The following KRT72 variants were observed in gnomAD, a reference collection of about 807,000 sequenced individuals.
KRT72 encodes the protein keratin 72.
In KRT72, 44 loss-of-function variants were observed where a neutral mutation model predicts 44.7. The ratio of observed to expected loss-of-function variants is 0.98; its 90% CI spans 0.77 to 1.27. The LOEUF is 1.27. Ranked by LOEUF, KRT72 falls within the 50% of genes most tolerant of loss-of-function variation. The probability of loss-of-function intolerance (pLI) is 0.00; values close to 1 mark genes in which losing one functional copy is unlikely to be tolerated. For synonymous variants in KRT72, 302 were observed against 280.4 expected (o/e 1.08, Z -0.77); for missense variants, 736 against 667.1 (o/e 1.10, Z -1.14).
At chr12:52,591,900 A>G (rs563008189) in intron 4 of KRT72, among the ~76,000 whole-genome samples, 1 of 152,242 alleles carries the variant, frequency 6.6e-6, no homozygotes, top group African/African-American at 2.4e-5. Context: ...CCCTCCACCC[A>G]TAGGACCAAG....
upstream of KRT72, among the ~76,000 whole-genome samples, chr12:52,602,569 C>T (rs766430920): frequency 8.5e-5 from 13 of 152,212 alleles, no homozygotes; most frequent in Non-Finnish European, 1.5e-4. Flanking sequence ...TATTTCATTG[C>T]TCTTATTTCT....
At position 52,592,927 on chromosome 12, in the gene KRT72, T is replaced by C. The variant is rs754946146; in HGVS notation, c.667A>G (p.Thr223Ala). 1 of 1,613,734 alleles carries C rather than the reference T, an allele frequency of 6.2e-7. No individual in the cohort carries two copies. ...ACCACAAACTCATTCTCAGCAGCTGTGCGTCTGTTAATCTCCACCTCATAC... is the reference window on the plus strand; with the variant it reads ...ACCACAAACTCATTCTCAGCAGCTGCGCGTCTGTTAATCTCCACCTCATAC... ...KRYEVEINRR[T>A]AAENEFVVLK... Residue 223 changes from threonine to alanine, a missense_variant, in exon 3 of 9, where the codon ACA becomes GCA. Transcript: ENST00000293745.
rs1051521787 is a variant in KRT72 at position 52,598,540 on chromosome 12, C to CT, written c.641+357dup. On this transcript the variant is annotated intron_variant, in intron 2 of 8. Coordinates refer to ENST00000293745, the MANE Select transcript of KRT72 (RefSeq NM_080747.3). ...CAACATGGAATAAGTTTTTTAAATT[C>CT]TTTTTTTTAGATTTAAAATTTGCCC... is the stretch of plus-strand genomic sequence containing the variant. Among the ~76,000 whole-genome samples, 3 of 151,938 alleles carry CT rather than the reference C, an allele frequency of 2.0e-5. No homozygotes were observed. In the East Asian group the frequency reaches 5.8e-4, roughly 29 times the overall value.
intron 1 of KRT72, 154 bp from the exon 2 acceptor site, chr12:52,599,266 C>T (rs1421479461): frequency 8.3e-6 from 6 of 719,298 alleles, no homozygotes; most frequent in Non-Finnish European, 1.5e-5. Context: ...GAGGGACATG[C>T]TCACCTGGAT....
chr12:52,601,728 A>G (rs755248305), upstream of KRT72, among the ~76,000 whole-genome samples: 19 of 152,006 alleles, frequency 1.2e-4, no homozygotes, highest in Non-Finnish European at 2.1e-4. Flanking sequence ...CACCTCCTGC[A>G]TTATCATGGC....
At chr12:52,588,245 GATCCCATAA>G (rs1939857624) in intron 6 of KRT72, among the ~76,000 whole-genome samples, 1 of 152,216 alleles carries the variant, frequency 6.6e-6, no homozygotes, top group Admixed American at 6.5e-5. Flanking sequence ...TGTTTTAGGA[GATCCCATAA>G]ATCATGGGGA....
chr12:52,599,299 C>T (rs772850829), intron 1 of KRT72, 187 bp from the exon 2 acceptor site: 21 of 671,404 alleles, frequency 3.1e-5, no homozygotes, highest in Admixed American at 6.1e-5. Context: ...AAATAGGACC[C>T]GGTCTATATG....
chr12:52,587,070 C>T, intron 7 of KRT72, 90 bp from the exon 8 acceptor site: 1 of 1,223,060 alleles, frequency 8.2e-7, no homozygotes. Context: ...CCTCTCCACG[C>T]AGAATGTGCC....
At position 52,601,144 on chromosome 12, in the gene KRT72, G is replaced by C; in HGVS notation, c.309C>G (p.Asn103Lys). Residue 103 changes from asparagine to lysine, a missense_variant, in exon 1 of 9, where the codon AAC (asparagine) becomes AAG (lysine). Coordinates refer to ENST00000293745, the MANE Select transcript of KRT72 (RefSeq NM_080747.3). The stretch of plus-strand genomic sequence containing the variant: ...CGTTGAGCGGGGCCAGGAGGCTCTT[G>C]TTGACGGTGACCTGAGGGATGCCCC... ...PPGGIPQVTVNKSLLAPLNVE... is the reference protein window; with the variant it reads ...PPGGIPQVTVKKSLLAPLNVE... The C allele has an allele frequency of 6.2e-7, 1 of 1,613,672 alleles. No individual in the cohort carries two copies. The highest frequency in any genetic ancestry group is 1.7e-4 in the Middle Eastern group (1 of 6,058).
At chr12:52,601,497 G>T (rs1274644639), upstream of KRT72, 6 of 1,521,076 alleles carry the variant, frequency 3.9e-6, no homozygotes, top group Admixed American at 8.1e-5. Flanking sequence ...CAGAAGGGGC[G>T]CAAACAGCCG....
chr12:52,594,803 G>A (rs1404264966), intron 2 of KRT72, among the ~76,000 whole-genome samples: 2 of 152,156 alleles, frequency 1.3e-5, no homozygotes, highest in African/African-American at 4.8e-5. Context: ...GTAGTGAAGG[G>A]AGCTATTTCA....
Position 52,592,376 on chromosome 12 carries a change from G to C in KRT72, c.798+20C>G. 6.6e-7 allele frequency: 1 copy of C among 1,525,706 alleles called. No homozygotes were observed. The highest frequency in any genetic ancestry group is 9.1e-7 in the Non-Finnish European group (1 of 1,099,936). 94.5% of individuals were successfully genotyped at this position (1,525,706 alleles called of 1,614,324 possible). ...TGTTAAAGGAGCAGATCTCACAAGA[G>C]AGGTCAGCCAAGTCCTTACCCCTTC... is the stretch of plus-strand genomic sequence containing the variant. On this transcript the variant is annotated intron_variant, in intron 4 of 8. Coordinates refer to ENST00000293745, the MANE Select transcript of KRT72 (RefSeq NM_080747.3).
chr12:52,587,617 A>T lies in KRT72; in HGVS notation c.1310+14T>A, dbSNP rs763403292. 1 of 1,613,762 alleles carries T rather than the reference A, an allele frequency of 6.2e-7. No individual in the cohort carries two copies. Among genetic ancestry groups the T allele is most frequent in the Non-Finnish European group, 8.5e-7 (1 of 1,179,658 alleles). On this transcript the variant is annotated intron_variant, in intron 7 of 8. Transcript: ENST00000293745. ...AGAAAACTGGTCCCGACACAAGGGT[A>T]TCCGGCCCCTCACCTGCACTCCTCG... is the stretch of plus-strand genomic sequence containing the variant.
At chr12:52,594,006 T>C (rs1409670245) in intron 2 of KRT72, among the ~76,000 whole-genome samples, 1 of 152,248 alleles carries the variant, frequency 6.6e-6, no homozygotes, top group Non-Finnish European at 1.5e-5. Context: ...CACTGAACCG[T>C]CCACTGAAAA....
intron 1 of KRT72, chr12:52,599,445 G>A: frequency 4.2e-6 from 2 of 473,562 alleles, no homozygotes; most frequent in Non-Finnish European, 8.4e-6. Context: ...GGGAGAAACA[G>A]GGACTGGGGA....
Position 52,586,941 on chromosome 12 carries a change from C to A in KRT72, c.1345+5G>T, listed in dbSNP as rs200842237. ...AGGGCAGAACTGAGATCTGCAGATA[C>A]TTACAGATGCTCACAGAATTTGGAT... On this transcript the variant is annotated splice_donor_5th_base_variant and intron_variant, in intron 8 of 8. Transcript: ENST00000293745. 2 of 1,613,142 alleles carry A rather than the reference C, an allele frequency of 1.2e-6. No individual in the cohort carries two copies. Among genetic ancestry groups the A allele is most frequent in the Non-Finnish European group, 1.7e-6 (2 of 1,179,112 alleles).
chr12:52,592,351 T>C, intron 4 of KRT72, 45 bp downstream of exon 4: 1 of 1,381,498 alleles, frequency 7.2e-7, no homozygotes, highest in Non-Finnish European at 1.0e-6. Flanking sequence ...AGAAACCTCT[T>C]GTTAAAGGAG....
chr12:52,592,333 C>T, intron 4 of KRT72, 63 bp downstream of exon 4: 1 of 1,190,480 alleles, frequency 8.4e-7, no homozygotes, highest in African/African-American at 1.5e-5. Context: ...ACCTTCCAGC[C>T]AGGGGCCAGA....
intron 6 of KRT72, among the ~76,000 whole-genome samples, chr12:52,589,001 AATAT>A (rs71092771): frequency 3.4e-5 from 5 of 149,206 alleles, no homozygotes; most frequent in African/African-American, 4.9e-5. Context: ...ATCCATCTCA[AATAT>A]ATATATATAT....
Sources: allele counts gnomAD v4.1 joint callset (sites outside exome capture counted in the v4.1 genomes callset), GRCh38; gene constraint gnomAD v4.1.1; transcripts MANE v1.5; gene names NCBI Gene and HGNC (gene_info 2026-07-23, HGNC 2026-07-21).